MYO1B: variants seen among roughly 807,000 people sequenced by gnomAD.
MYO1B encodes the protein myosin IB.
In MYO1B, 72 loss-of-function variants were observed where a neutral mutation model predicts 159.7. The ratio of observed to expected loss-of-function variants is 0.45; its 90% CI spans 0.37 to 0.55. MYO1B has a LOEUF of 0.55. Among genes scored for constraint, MYO1B ranks in the 20% least tolerant of loss-of-function variants. The probability of loss-of-function intolerance (pLI) is 0.00; values close to 1 mark genes in which losing one functional copy is unlikely to be tolerated. For synonymous variants in MYO1B, 468 were observed against 473.8 expected, an observed-to-expected ratio of 0.99 and a Z score of 0.16; for missense variants, 1,062 against 1,364.8, an observed-to-expected ratio of 0.78 and a Z score of 3.50.
At chr2:191,249,233 TAAG>T (rs1266143761) in intron 1 of MYO1B, among the ~76,000 whole-genome samples, 3 of 152,080 alleles carry the variant, frequency 2.0e-5, no homozygotes, top group Non-Finnish European at 4.4e-5. Context: ...AGAAGAGAAA[TAAG>T]GAGGGAAGGA....
At chr2:191,326,930 AC>A (rs1005972725) in intron 3 of MYO1B, among the ~76,000 whole-genome samples, 23 of 152,282 alleles carry the variant, frequency 1.5e-4, no homozygotes, top group African/African-American at 5.5e-4. Flanking sequence ...TCTGTATTCA[AC>A]AATACATGAA....
chr2:191,409,059 T>C lies in MYO1B; in HGVS notation c.2647T>C (p.Leu883=). 6.2e-7 allele frequency: 1 copy of C among 1,610,064 alleles called. No homozygotes were observed. The highest frequency in any genetic ancestry group is 1.3e-5 in the African/African-American group (1 of 74,820). Residue 883 remains leucine (L), a synonymous_variant, in exon 26 of 31, where the codon TTG becomes CTG. Coordinates refer to ENST00000392318, the MANE Select transcript of MYO1B (RefSeq NM_001130158.3). ...TLQRIVQKYF[L]EMKNKMPSLS... ...CCCAACACAGGTGCAAAAATACTTC[T>C]TGGAAATGAAAAATAAGATGCCTTC...
rs763926128 is a variant in MYO1B at position 191,387,378 on chromosome 2, C to G, written c.1709C>G (p.Ala570Gly). The G allele has an allele frequency of 5.6e-6, 9 of 1,614,216 alleles. No individual in the cohort carries two copies. The Admixed American group carries it at 1.5e-4, about 27-fold the overall frequency. The change falls in exon 17 of 31, where the codon GCA becomes GGA. Residue 570 changes from alanine to glycine, a missense_variant. By Grantham distance (60) the Ala-to-Gly change is moderately conservative (BLOSUM62 0). Transcript: ENST00000392318. ...ATCAACCTGAAAAGGCCTCCTACAG[C>G]AGGCTCACAGTTCAAGGCATCCGTG... ...AKINLKRPPT[A>G]GSQFKASVAT...
chr2:191,419,422 G>C (rs1697793888), intron 30 of MYO1B, among the ~76,000 whole-genome samples: 1 of 152,096 alleles, frequency 6.6e-6, no homozygotes, highest in Non-Finnish European at 1.5e-5. Context: ...GTTTCATCGT[G>C]TTAGCCAGGA....
chr2:191,335,033 G>A (rs978704199), intron 4 of MYO1B, among the ~76,000 whole-genome samples: 2 of 152,152 alleles, frequency 1.3e-5, no homozygotes, highest in Non-Finnish European at 2.9e-5. Flanking sequence ...CTGCCTAGAA[G>A]TCACTCAAAG....
At chr2:191,309,235 C>T (rs1168904398) in intron 3 of MYO1B, among the ~76,000 whole-genome samples, 1 of 152,184 alleles carries the variant, frequency 6.6e-6, no homozygotes, top group East Asian at 1.9e-4. Context: ...CAGCATCATC[C>T]TTTGGTTACT....
chr2:191,306,415 A>G (rs1689655169), intron 3 of MYO1B, among the ~76,000 whole-genome samples: 1 of 152,100 alleles, frequency 6.6e-6, no homozygotes, highest in Non-Finnish European at 1.5e-5. Context: ...TGGGCAGATG[A>G]GGTAGAAGAG....
rs774033363 is a variant in MYO1B at position 191,409,055 on chromosome 2, C to T, written c.2643C>T (p.Tyr881=). 4.2e-5 allele frequency: 67 copies of T among 1,609,406 alleles called. 2 individuals are homozygous for T. The South Asian group carries it at 7.5e-4, about 18-fold the overall frequency. ...TCAACCCAACACAGGTGCAAAAATA[C>T]TTCTTGGAAATGAAAAATAAGATGC... The part of the protein sequence containing the change: ...EFTLQRIVQK[Y]FLEMKNKMPS... Residue 881 remains tyrosine, a synonymous_variant, in exon 26 of 31, where the codon TAC becomes TAT. Transcript: ENST00000392318.
At chr2:191,414,240 G>A (rs1697425854) in intron 28 of MYO1B, 60 bp downstream of exon 28, 24 of 1,542,340 alleles carry the variant, frequency 1.6e-5, no homozygotes, top group Non-Finnish European at 2.0e-5. Flanking sequence ...TAGTCACCCT[G>A]TTTTCTGAAT....
intron 3 of MYO1B, among the ~76,000 whole-genome samples, chr2:191,299,103 G>A (rs1689154693): frequency 6.6e-6 from 1 of 152,118 alleles, no homozygotes. Flanking sequence ...TGGGTAGATA[G>A]AGAATGTTTA....
intron 20 of MYO1B, among the ~76,000 whole-genome samples, chr2:191,395,200 C>T (rs1231320281): frequency 6.6e-6 from 1 of 152,178 alleles, no homozygotes; most frequent in East Asian, 1.9e-4. Flanking sequence ...TGGTCAGATA[C>T]TGTAGCTGTT....
At position 191,400,465 on chromosome 2, in the gene MYO1B, C is replaced by G; in HGVS notation, c.2379C>G (p.Thr793=). ...VTTIAAYWHG[T]QARRELRRLK... Reference sequence around the variant, plus strand: ...CCATTGCTGCATATTGGCATGGGACCCAGGTAGGCCCGAGACCCCAAGGAA... The same window carrying G: ...CCATTGCTGCATATTGGCATGGGACGCAGGTAGGCCCGAGACCCCAAGGAA... Residue 793 remains threonine (T), a synonymous_variant, in exon 22 of 31, where the codon ACC becomes ACG. Transcript: ENST00000392318. 2 of 1,614,100 alleles carry G rather than the reference C, an allele frequency of 1.2e-6. No homozygotes were observed. The highest frequency in any genetic ancestry group is 1.7e-6 in the Non-Finnish European group (2 of 1,179,996).
intron 3 of MYO1B, among the ~76,000 whole-genome samples, chr2:191,323,297 A>T (rs188801230): frequency 1.3e-5 from 2 of 152,108 alleles, no homozygotes; most frequent in East Asian, 3.9e-4. Flanking sequence ...CTCTTATCTC[A>T]TCCAGTGACT....
intron 15 of MYO1B, among the ~76,000 whole-genome samples, chr2:191,384,759 A>T (rs1056729499): frequency 2.0e-5 from 3 of 152,230 alleles, no homozygotes. Context: ...AAGAGGAGAA[A>T]AAGAACAGTG....
intron 6 of MYO1B, among the ~76,000 whole-genome samples, chr2:191,349,128 G>A (rs923907640): frequency 1.3e-5 from 2 of 152,094 alleles, no homozygotes; most frequent in Non-Finnish European, 2.9e-5. Flanking sequence ...CAATTCCCCC[G>A]CTAGACAGTA....
chr2:191,378,349 AG>A (rs1436218687), intron 13 of MYO1B, among the ~76,000 whole-genome samples: 2 of 152,060 alleles, frequency 1.3e-5, no homozygotes, highest in Admixed American at 1.3e-4. Flanking sequence ...AGGCAGGCTG[AG>A]TCTGAAAAGA....
chr2:191,354,409 T>G (rs1167058272), intron 7 of MYO1B, among the ~76,000 whole-genome samples: 1 of 152,064 alleles, frequency 6.6e-6, no homozygotes, highest in East Asian at 1.9e-4. Context: ...GAAAATTTTG[T>G]CTGAATATTC....
intron 4 of MYO1B, among the ~76,000 whole-genome samples, chr2:191,331,620 GA>G (rs1691481335): frequency 6.6e-6 from 1 of 151,890 alleles, no homozygotes; most frequent in Non-Finnish European, 1.5e-5. Flanking sequence ...CATTCATCCA[GA>G]AAAAAAATTA....
At chr2:191,420,184 C>T (rs1697849380) in intron 30 of MYO1B, among the ~76,000 whole-genome samples, 1 of 152,122 alleles carries the variant, frequency 6.6e-6, no homozygotes, top group East Asian at 1.9e-4. Flanking sequence ...GCCTGGGAGA[C>T]AGACCAAGAC....
Sources: gnomAD v4.1 joint callset for allele counts (sites outside exome capture counted in the v4.1 genomes callset) on GRCh38, gnomAD v4.1.1 for gene constraint, MANE v1.5 for transcripts, NCBI Gene and HGNC (gene_info 2026-07-23, HGNC 2026-07-21) for gene names.